The following FAM107B variants were observed in gnomAD, a reference collection of about 807,000 sequenced individuals.
FAM107B encodes family with sequence similarity 107 member B, also known as protein FAM107B.
FAM107B carries 21 observed loss-of-function variants against 31.5 expected under a neutral mutation model. The observed-to-expected ratio is 0.67, with a 90% CI of 0.47 to 0.96. The LOEUF is 0.96. FAM107B is among the 40% of genes least tolerant of loss of function. FAM107B has a pLI of 0.00. For synonymous variants in FAM107B, 157 were observed against 141.5 expected (o/e 1.11, Z -0.78); for missense variants, 452 against 377.1 (o/e 1.20, Z -1.64).
At chr10:14,529,091 C>T (rs1368052969) in intron 3 of FAM107B, among the ~76,000 whole-genome samples, 3 of 152,200 alleles carry the variant, frequency 2.0e-5, no homozygotes, top group Non-Finnish European at 2.9e-5. Flanking sequence ...ACTAAACTGA[C>T]GAGCTTTCCA....
chr10:14,566,350 A>C (rs1380208228), intron 2 of FAM107B, among the ~76,000 whole-genome samples: 1 of 152,216 alleles, frequency 6.6e-6, no homozygotes, highest in African/African-American at 2.4e-5. Flanking sequence ...ACTCCTGTGA[A>C]GCCATCATGC....
At chr10:14,571,894 G>C (rs150657578) in intron 2 of FAM107B, 2 of 985,422 alleles carry the variant, frequency 2.0e-6, no homozygotes, top group African/African-American at 3.5e-5. Context: ...CCTAAGTGAC[G>C]AACGGTTACA....
At chr10:14,662,469 T>C (rs1854270605) in intron 2 of FAM107B, among the ~76,000 whole-genome samples, 1 of 150,164 alleles carries the variant, frequency 6.7e-6, no homozygotes, top group Admixed American at 6.7e-5. Flanking sequence ...TTCGACCACC[T>C]GGGCTCAAGT....
chr10:14,621,403 T>C (rs2131403007), intron 2 of FAM107B, among the ~76,000 whole-genome samples: 1 of 152,372 alleles, frequency 6.6e-6, no homozygotes, highest in African/African-American at 2.4e-5. Context: ...ATCTTAAGTG[T>C]TCAAACTATA....
At chr10:14,579,653 T>C (rs1214794736) in intron 2 of FAM107B, among the ~76,000 whole-genome samples, 1 of 152,194 alleles carries the variant, frequency 6.6e-6, no homozygotes, top group Non-Finnish European at 1.5e-5. Flanking sequence ...AAACCAAGTT[T>C]GTTACTCAAT....
intron 2 of FAM107B, among the ~76,000 whole-genome samples, chr10:14,637,190 T>C (rs1853521891): frequency 6.6e-6 from 1 of 152,122 alleles, no homozygotes; most frequent in African/African-American, 2.4e-5. Flanking sequence ...GGGTCTTATT[T>C]CTAACACCAT....
intron 1 of FAM107B, among the ~76,000 whole-genome samples, chr10:14,771,313 T>C (rs116894739): frequency 2.4e-3 from 369 of 152,276 alleles, no homozygotes; most frequent in Non-Finnish European, 4.4e-3. Flanking sequence ...GTAAAGCATA[T>C]GAATAAAAAC....
rs1554851690 is a variant in FAM107B, at chr10:14,712,626, A to AAAAAAAAAAAAG, written c.412-44936_412-44935insCTTTTTTTTTTT. ...TGACTCCCACCAAAAAACAAAAAAA[A>AAAAAAAAAAAAG]AAGAAGAAGAAGTTGGGATAAATGA... On this transcript the variant is annotated intron_variant, in intron 1 of 4. Transcript: ENST00000181796. 4.8e-4 allele frequency among the ~76,000 whole-genome samples: 70 copies of AAAAAAAAAAAAG among 146,902 alleles called. 1 individual carries two copies. Among genetic ancestry groups the AAAAAAAAAAAAG allele is most frequent in the Non-Finnish European group, 7.3e-4 (49 of 66,712 alleles).
chr10:14,774,384 T>C lies in FAM107B; in HGVS notation c.280A>G (p.Ser94Gly), dbSNP rs369736946. Residue 94 changes from serine (S) to glycine (G), a missense_variant, in exon 1 of 5, where the codon AGT (serine) becomes GGT (glycine). Physicochemically the swap from Ser to Gly is moderately conservative, Grantham distance 56. Coordinates refer to ENST00000181796, the MANE Select transcript of FAM107B (RefSeq NM_031453.4). ...ERNGSANRNS[S>G]HRTAAQPAET... ...GCGGGCTGGGCCGCAGTGCGGTGAC[T>C]TGAATTCCGATTCGCACTGCCATTT... 6.2e-7 allele frequency: 1 copy of C among 1,614,218 alleles called. No individual in the cohort carries two copies. The highest frequency in any genetic ancestry group is 2.2e-5 in the East Asian group (1 of 44,886).
rs1233241042 is a variant in FAM107B, at chr10:14,521,964, G to A, written c.709C>T (p.Arg237Ter). 3.1e-6 allele frequency: 5 copies of A among 1,613,792 alleles called. No homozygotes were observed. The highest frequency in any genetic ancestry group is 4.2e-6 in the Non-Finnish European group (5 of 1,179,988). The change falls in exon 4 of 5, where the codon CGA (arginine) becomes TGA (stop). Residue 237 changes from arginine (R) to a stop codon, truncating the protein, a stop_gained. Coordinates refer to ENST00000181796, the MANE Select transcript of FAM107B (RefSeq NM_031453.4). LOFTEE classifies it high-confidence loss of function. Reference protein sequence around the residue: ...ELQKVMEKRKRDQVIKQKEEE... With the variant: ...ELQKVMEKRK The stretch of plus-strand genomic sequence containing the variant: ...TCCTTCTGCTTTATTACTTGGTCTC[G>A]TTTTCTTTTTTCCATCACCTTCTGC...
chr10:14,658,832 G>A (rs1311805012), intron 2 of FAM107B, among the ~76,000 whole-genome samples: 2 of 152,192 alleles, frequency 1.3e-5, no homozygotes, highest in African/African-American at 2.4e-5. Flanking sequence ...ACAAAAAATG[G>A]TCAAACATCC....
chr10:14,623,685 G>T (rs1853076197), intron 2 of FAM107B, among the ~76,000 whole-genome samples: 1 of 152,146 alleles, frequency 6.6e-6, no homozygotes, highest in South Asian at 2.1e-4. Context: ...AATTAGCTGG[G>T]CGTGGTAGTG....
intron 2 of FAM107B, chr10:14,553,244 C>A: frequency 1.5e-6 from 1 of 657,894 alleles, no homozygotes; most frequent in Non-Finnish European, 2.1e-6. Flanking sequence ...TATCTGTTCA[C>A]AGGTAAGTTT....
intron 1 of FAM107B, among the ~76,000 whole-genome samples, chr10:14,732,782 T>C (rs1272177978): frequency 6.8e-6 from 1 of 147,820 alleles, no homozygotes; most frequent in Admixed American, 6.8e-5. Flanking sequence ...ATATATTCTA[T>C]AGAATACATT....
chr10:14,752,425 C>T (rs1018735748), intron 1 of FAM107B, among the ~76,000 whole-genome samples: 17 of 152,178 alleles, frequency 1.1e-4, no homozygotes, highest in Non-Finnish European at 2.2e-4. Flanking sequence ...AACATTCAGA[C>T]GAGTGTTTTG....
chr10:14,582,673 A>C (rs1024089890), intron 2 of FAM107B, among the ~76,000 whole-genome samples: 2 of 150,368 alleles, frequency 1.3e-5, no homozygotes, highest in Non-Finnish European at 3.0e-5. Flanking sequence ...CACCACACCC[A>C]GCCTACCCAC....
Position 14,634,507 on chromosome 10 carries a change from G to A in FAM107B, c.469+33127C>T, listed in dbSNP as rs187610662. Reference sequence around the variant, plus strand: ...ATGGAAATAGCTTTTCAAGAGAATGGGAATCAATAGAGGGAAAGTTGATGA... The same window carrying A: ...ATGGAAATAGCTTTTCAAGAGAATGAGAATCAATAGAGGGAAAGTTGATGA... On this transcript the variant is annotated intron_variant, in intron 2 of 4. Transcript: ENST00000181796. Among the ~76,000 whole-genome samples, 202 of 152,142 alleles carry A rather than the reference G, an allele frequency of 1.3e-3. 2 individuals are homozygous for A. The South Asian group carries it at 0.019, about 14-fold the overall frequency.
chr10:14,550,073 G>A (rs1175157962), intron 2 of FAM107B, among the ~76,000 whole-genome samples: 1 of 152,174 alleles, frequency 6.6e-6, no homozygotes, highest in African/African-American at 2.4e-5. Flanking sequence ...GGAGTTAAAA[G>A]AGGCCTTCGA....
intron 2 of FAM107B, among the ~76,000 whole-genome samples, chr10:14,540,820 G>C (rs540313601): frequency 6.6e-6 from 1 of 152,206 alleles, no homozygotes; most frequent in South Asian, 2.1e-4. Context: ...CTTTACTCAC[G>C]ATTTATTGAA....
Sources: allele counts gnomAD v4.1 joint callset (sites outside exome capture counted in the v4.1 genomes callset), GRCh38; gene constraint gnomAD v4.1.1; transcripts MANE v1.5; gene names NCBI Gene and HGNC (gene_info 2026-07-23, HGNC 2026-07-21).